The following ZC3H12B variants were observed in gnomAD, a reference collection of about 807,000 sequenced individuals.
The protein encoded by ZC3H12B is zinc finger CCCH-type containing 12B.
A neutral mutation model predicts 43.9 loss-of-function variants in ZC3H12B; 7 were observed. The ratio of observed to expected loss-of-function variants is 0.16; its 90% CI spans 0.09 to 0.30. The LOEUF is 0.30. Among genes scored for constraint, ZC3H12B ranks in the 10% least tolerant of loss-of-function variants. The pLI is 1.00. For missense variants in ZC3H12B, 475 were observed against 670.2 expected, an observed-to-expected ratio of 0.71 and a Z score of 3.22; for synonymous variants, 222 against 241.7, an observed-to-expected ratio of 0.92 and a Z score of 0.76.
the ZC3H12B span, among the ~76,000 whole-genome samples, chrX:65,353,449 G>T: frequency 8.9e-6 from 1 of 111,907 alleles, no homozygotes; most frequent in African/African-American, 3.2e-5. Flanking sequence ...ACAAACACTA[G>T]ACATCATTAA....
At chrX:65,267,452 A>G in the ZC3H12B span, among the ~76,000 whole-genome samples, 1 of 110,314 alleles carries the variant, frequency 9.1e-6, no homozygotes, top group Admixed American at 9.7e-5. Flanking sequence ...TCAGGTTTCA[A>G]CAAAAAATGA....
the ZC3H12B span, among the ~76,000 whole-genome samples, chrX:65,291,347 T>C: frequency 4.5e-5 from 5 of 112,234 alleles, no homozygotes; most frequent in Admixed American, 9.4e-5. Flanking sequence ...ATTTTCACTA[T>C]CATGTGAATT....
At chrX:65,071,938 ATCT>A in the ZC3H12B span, among the ~76,000 whole-genome samples, 2 of 111,221 alleles carry the variant, frequency 1.8e-5, no homozygotes, top group African/African-American at 6.5e-5. Flanking sequence ...CTTGATGATG[ATCT>A]TCTTGTGAAT....
the ZC3H12B span, among the ~76,000 whole-genome samples, chrX:65,068,332 C>G: frequency 9.1e-6 from 1 of 110,291 alleles, no homozygotes; most frequent in East Asian, 2.8e-4. Flanking sequence ...GTTCTTTTCT[C>G]TGGTGATATG....
the ZC3H12B span, among the ~76,000 whole-genome samples, chrX:65,250,979 T>C: frequency 8.9e-6 from 1 of 112,225 alleles, no homozygotes; most frequent in Non-Finnish European, 1.9e-5. Flanking sequence ...TTGTTGCCAT[T>C]GCTTTTGGTG....
the ZC3H12B span, among the ~76,000 whole-genome samples, chrX:65,224,584 G>C: frequency 8.9e-6 from 1 of 112,584 alleles, no homozygotes; most frequent in South Asian, 3.6e-4. Context: ...TGCCTCACTC[G>C]GGAAGCACAA....
At chrX:65,197,679 A>G in the ZC3H12B span, among the ~76,000 whole-genome samples, 1 of 112,317 alleles carries the variant, frequency 8.9e-6, no homozygotes, top group African/African-American at 3.2e-5. Context: ...ACCTACAAAA[A>G]TAGTTTACTC....
chrX:65,165,694 A>G, the ZC3H12B span, among the ~76,000 whole-genome samples: 1 of 112,596 alleles, frequency 8.9e-6, no homozygotes, highest in Non-Finnish European at 1.9e-5. Flanking sequence ...CCAGTCTATC[A>G]TTGATCAACA....
the ZC3H12B span, among the ~76,000 whole-genome samples, chrX:65,101,113 A>G: frequency 1.8e-5 from 2 of 112,107 alleles, no homozygotes; most frequent in East Asian, 2.8e-4. Flanking sequence ...GCACATCTAC[A>G]TGGAAACTGA....
chrX:65,138,521 T>C, the ZC3H12B span, among the ~76,000 whole-genome samples: 2 of 112,403 alleles, frequency 1.8e-5, no homozygotes, highest in Admixed American at 1.9e-4. Context: ...TATACTATTT[T>C]GAATAATACT....
the ZC3H12B span, among the ~76,000 whole-genome samples, chrX:65,201,639 CCTCTCTCTCTCTCT>C: frequency 3.1e-3 from 203 of 64,552 alleles, no homozygotes; most frequent in African/African-American, 9.9e-3. Context: ...TGAAAGATCA[CCTCTCTCTCTCTCT>C]CTCTCTCTCT....
chrX:65,090,118 T>C, the ZC3H12B span, among the ~76,000 whole-genome samples: 1 of 112,626 alleles, frequency 8.9e-6, no homozygotes, highest in South Asian at 3.6e-4. Flanking sequence ...TATGTAATTG[T>C]ATGTGCTATG....
At chrX:65,459,885 G>T (rs1184740656) in intron 3 of ZC3H12B, among the ~76,000 whole-genome samples, 1 of 111,383 alleles carries the variant, frequency 9.0e-6, no homozygotes, top group Non-Finnish European at 1.9e-5. Context: ...AGGAAATAAA[G>T]GGTATTCAAT....
chrX:65,074,402 CTT>C, the ZC3H12B span, among the ~76,000 whole-genome samples: 1 of 110,942 alleles, frequency 9.0e-6, no homozygotes, highest in African/African-American at 3.3e-5. Context: ...AAAATTTTCT[CTT>C]TGTTTTTGAC....
the ZC3H12B span, among the ~76,000 whole-genome samples, chrX:65,323,690 A>G: frequency 3.6e-5 from 4 of 111,977 alleles, no homozygotes; most frequent in South Asian, 7.4e-4. Flanking sequence ...ATGATTTATT[A>G]TCCCTTGGGT....
chrX:65,343,407 A>T, the ZC3H12B span, among the ~76,000 whole-genome samples: 1 of 111,926 alleles, frequency 8.9e-6, no homozygotes, highest in Non-Finnish European at 1.9e-5. Flanking sequence ...TCCTTGATGA[A>T]CATTGATGCA....
the ZC3H12B span, among the ~76,000 whole-genome samples, chrX:65,045,814 G>A: frequency 8.9e-6 from 1 of 112,181 alleles, no homozygotes. Context: ...TTCTTAAATA[G>A]TAAAACTTGA....
At chrX:65,364,632 C>T (rs963138999), upstream of ZC3H12B, among the ~76,000 whole-genome samples, 1 of 110,916 alleles carries the variant, frequency 9.0e-6, no homozygotes, top group Non-Finnish European at 1.9e-5. Context: ...AAAATATCTC[C>T]TTCCAGCCTC....
chrX:65,409,292 A>T, intron 3 of ZC3H12B, among the ~76,000 whole-genome samples: 1 of 111,068 alleles, frequency 9.0e-6, no homozygotes, highest in East Asian at 2.8e-4. Flanking sequence ...ACTGAAAAAA[A>T]AATAAAAAAA....
Sources: allele counts gnomAD v4.1 joint callset (sites outside exome capture counted in the v4.1 genomes callset), GRCh38; gene constraint gnomAD v4.1.1; transcripts MANE v1.5; gene names NCBI Gene and HGNC (gene_info 2026-07-23, HGNC 2026-07-21).